The following SEMA3C variants were observed in gnomAD, a reference collection of about 807,000 sequenced individuals.
The protein encoded by SEMA3C is semaphorin 3C, also known as semaphorin-3C.
A neutral mutation model predicts 89.4 loss-of-function variants in SEMA3C; 47 were observed. The observed-to-expected ratio is 0.53, with a 90% CI of 0.42 to 0.67. SEMA3C has a LOEUF of 0.67. Among genes scored for constraint, SEMA3C ranks in the 30% least tolerant of loss-of-function variants. The pLI is 0.00. For synonymous variants in SEMA3C, 310 were observed against 320.2 expected (o/e 0.97, Z 0.34); for missense variants, 839 against 929.1 (o/e 0.90, Z 1.26).
chr7:80,905,447 T>A (rs1791991845), intron 2 of SEMA3C, among the ~76,000 whole-genome samples: 1 of 152,058 alleles, frequency 6.6e-6, no homozygotes, highest in Non-Finnish European at 1.5e-5. Flanking sequence ...TCAGCCTGTT[T>A]GTCAGTTATC....
chr7:80,879,410 C>G (rs1221271257), intron 2 of SEMA3C, among the ~76,000 whole-genome samples: 1 of 152,098 alleles, frequency 6.6e-6, no homozygotes, highest in African/African-American at 2.4e-5. Flanking sequence ...TGATTCTTTT[C>G]AGTCAGCAGG....
At chr7:80,849,894 A>C (rs1371879762) in intron 2 of SEMA3C, among the ~76,000 whole-genome samples, 1 of 152,138 alleles carries the variant, frequency 6.6e-6, no homozygotes, top group East Asian at 1.9e-4. Context: ...TTCTAAGCAC[A>C]TATAATCTAT....
At chr7:80,893,313 T>C (rs753194324) in intron 2 of SEMA3C, among the ~76,000 whole-genome samples, 5 of 152,190 alleles carry the variant, frequency 3.3e-5, no homozygotes, top group South Asian at 2.1e-4. Flanking sequence ...ATCCATGACA[T>C]GGTGTCTTAG....
chr7:80,816,082 A>T (rs1326188974), intron 5 of SEMA3C: 2 of 148,478 alleles, frequency 1.3e-5, no homozygotes, highest in Non-Finnish European at 3.0e-5. Context: ...TTCATGTAGC[A>T]AGGATTCCAG....
At chr7:80,869,625 A>G (rs565791967) in intron 2 of SEMA3C, among the ~76,000 whole-genome samples, 1 of 152,230 alleles carries the variant, frequency 6.6e-6, no homozygotes, top group Non-Finnish European at 1.5e-5. Flanking sequence ...CAGAAGAGCC[A>G]TAAGCACCTA....
At chr7:80,828,502 A>T (rs1789932029) in intron 3 of SEMA3C, 83 bp downstream of exon 3, 15 of 1,104,658 alleles carry the variant, frequency 1.4e-5, no homozygotes, top group Non-Finnish European at 1.3e-6. Context: ...AATAAAATGC[A>T]TATTATTTTT....
At chr7:80,754,947 G>GTTTTTTTTTTTTTTTTTTTTTTTTT (rs1031680674) in intron 15 of SEMA3C, among the ~76,000 whole-genome samples, 3 of 13,136 alleles carry the variant, frequency 2.3e-4, no homozygotes, top group Admixed American at 1.3e-3. Flanking sequence ...CTGGCGAATT[G>GTTTTTTTTTTTTTTTTTTTTTTTTT]TTTTTTTTTG....
Position 80,822,384 on chromosome 7 carries a change from A to AT in SEMA3C, c.328-3967_328-3966insA, listed in dbSNP as rs1005203499. Among the ~76,000 whole-genome samples, 31 of 145,568 alleles carry AT rather than the reference A, an allele frequency of 2.1e-4. 1 individual carries two copies. The highest frequency in any genetic ancestry group is 3.1e-4 in the Admixed American group (4 of 13,102). On this transcript the variant is annotated intron_variant, in intron 4 of 17. Coordinates refer to ENST00000265361, the MANE Select transcript of SEMA3C (RefSeq NM_006379.5). ...TAAGGAAAGAACATTTCAGCAAAAA[A>AT]AAATAAATAAATAAAAATAAATAAA...
chr7:80,854,681 CT>C (rs1790593684), intron 2 of SEMA3C, among the ~76,000 whole-genome samples: 1 of 152,116 alleles, frequency 6.6e-6, no homozygotes, highest in Non-Finnish European at 1.5e-5. Flanking sequence ...CATCTGGGCT[CT>C]TTTACATCTT....
rs1023025986 is a variant in SEMA3C at position 80,802,832 on chromosome 7, C to T, written c.802-53G>A. On this transcript the variant is annotated intron_variant, in intron 8 of 17. Transcript: ENST00000265361. Reference sequence around the variant, plus strand: ...GATTGCTTAAGTAAATATTGAAGCACATTAAAAATTCGACTTGTACTCTAG... The same window carrying T: ...GATTGCTTAAGTAAATATTGAAGCATATTAAAAATTCGACTTGTACTCTAG... 1.1e-5 allele frequency: 15 copies of T among 1,381,344 alleles called. No homozygotes were observed. In the Admixed American group the frequency reaches 2.1e-4, roughly 19 times the overall value. The allele number at this position is 1,381,344 out of a possible 1,614,324, so 85.6% of individuals were successfully genotyped here. A position where few individuals can be genotyped will look rare whatever the true frequency, so the allele number is the denominator to read the frequency against.
intron 2 of SEMA3C, among the ~76,000 whole-genome samples, chr7:80,864,045 C>T (rs1354050521): frequency 1.3e-5 from 2 of 151,280 alleles, no homozygotes; most frequent in African/African-American, 4.9e-5. Context: ...ATATAAATGA[C>T]AGACTACTAC....
intron 2 of SEMA3C, chr7:80,906,036 C>A: frequency 2.3e-6 from 1 of 432,314 alleles, no homozygotes; most frequent in Non-Finnish European, 4.1e-6. Flanking sequence ...GACAGATGGA[C>A]ATAACAAGCT....
intron 2 of SEMA3C, among the ~76,000 whole-genome samples, chr7:80,838,651 A>T (rs1000062571): frequency 1.3e-5 from 2 of 152,170 alleles, no homozygotes; most frequent in Non-Finnish European, 2.9e-5. Context: ...TAATTGTCTC[A>T]CAGTTTCACA....
chr7:80,784,781 T>C (rs1788765253), intron 12 of SEMA3C, among the ~76,000 whole-genome samples: 1 of 152,230 alleles, frequency 6.6e-6, no homozygotes, highest in Admixed American at 6.5e-5. Context: ...CACTGAAATC[T>C]AAAAATCATA....
At chr7:80,863,230 TAAA>T (rs57655836) in intron 2 of SEMA3C, among the ~76,000 whole-genome samples, 2 of 125,660 alleles carry the variant, frequency 1.6e-5, no homozygotes, top group Admixed American at 8.5e-5. Context: ...GACTCCATCT[TAAA>T]AAAAAAAAAA....
chr7:80,906,131 C>G (rs927295608), intron 2 of SEMA3C, among the ~76,000 whole-genome samples: 1 of 152,088 alleles, frequency 6.6e-6, no homozygotes, highest in African/African-American at 2.4e-5. Flanking sequence ...CCTGCTTCCA[C>G]TGGAAGATGA....
At chr7:80,898,918 T>C (rs1414597437) in intron 2 of SEMA3C, among the ~76,000 whole-genome samples, 2 of 152,124 alleles carry the variant, frequency 1.3e-5, no homozygotes, top group East Asian at 1.9e-4. Flanking sequence ...AATTGGTTTA[T>C]AGGTGATTTG....
intron 2 of SEMA3C, among the ~76,000 whole-genome samples, chr7:80,866,031 G>C (rs982221726): frequency 6.6e-6 from 1 of 152,132 alleles, no homozygotes; most frequent in African/African-American, 2.4e-5. Context: ...TTTGCATAAA[G>C]TATTAAATAA....
intron 2 of SEMA3C, among the ~76,000 whole-genome samples, chr7:80,892,135 T>C (rs189694564): frequency 7.9e-5 from 12 of 152,200 alleles, no homozygotes; most frequent in Admixed American, 5.9e-4. Context: ...GGTAGAATTG[T>C]AGGATCACAG....
Sources: gnomAD v4.1 joint callset for allele counts (sites outside exome capture counted in the v4.1 genomes callset) on GRCh38, gnomAD v4.1.1 for gene constraint, MANE v1.5 for transcripts, NCBI Gene and HGNC (gene_info 2026-07-23, HGNC 2026-07-21) for gene names.